The following KLF13 variants were observed in gnomAD, a reference collection of about 807,000 sequenced individuals.
The protein encoded by KLF13 is Krueppel-like factor 13.
A neutral mutation model predicts 16.7 loss-of-function variants in KLF13; 8 were observed. That is an observed-to-expected ratio of 0.48 (90% CI 0.28 to 0.87). KLF13 has a LOEUF of 0.87. Among genes scored for constraint, KLF13 ranks in the 40% least tolerant of loss-of-function variants. The pLI is 0.10. For missense variants in KLF13, 447 were observed against 452.2 expected, an observed-to-expected ratio of 0.99 and a Z score of 0.10; for synonymous variants, 245 against 208.4, an observed-to-expected ratio of 1.18 and a Z score of -1.51.
chr15:31,391,180 TG>T (rs1484606466), upstream of KLF13, among the ~76,000 whole-genome samples: 68 of 53,348 alleles, frequency 1.3e-3, no homozygotes, highest in Non-Finnish European at 1.6e-3. Context: ...GGGGGTTGTG[TG>T]GGCCTCTGGG....
chr15:31,420,442 C>T lies in KLF13; in HGVS notation n.118-14928C>T. ...AGTTCCTCACATCCTGCTACCACCC[C>T]AACATAGACACCCAGGGTAACATAT... On this transcript the variant is annotated intron_variant and non_coding_transcript_variant, in intron 1 of 1. Coordinates refer to the KLF13 transcript ENST00000558225. The T allele has an allele frequency of 7.7e-6, 7 of 903,370 alleles. No individual in the cohort carries two copies. The South Asian group carries it at 9.0e-5, about 12-fold the overall frequency. 56.0% of individuals were successfully genotyped at this position (903,370 alleles called of 1,614,324 possible). A position where few individuals can be genotyped will look rare whatever the true frequency, so the allele number is the denominator to read the frequency against.
chr15:31,349,860 T>A (rs1273386873), intron 1 of KLF13, among the ~76,000 whole-genome samples: 1 of 152,152 alleles, frequency 6.6e-6, no homozygotes, highest in African/African-American at 2.4e-5. Context: ...GGGTGTGAAT[T>A]AATGAAAAGC....
intron 1 of KLF13, among the ~76,000 whole-genome samples, chr15:31,342,355 G>A (rs907167608): frequency 4.6e-5 from 7 of 152,198 alleles, no homozygotes; most frequent in Admixed American, 2.0e-4. Context: ...TGAGGATGCC[G>A]GCTGCCCTCC....
At chr15:31,416,202 A>T (rs1343412699) in intron 1 of KLF13, among the ~76,000 whole-genome samples, 1 of 152,168 alleles carries the variant, frequency 6.6e-6, no homozygotes, top group Non-Finnish European at 1.5e-5. Flanking sequence ...TCTTAGGCCC[A>T]GAATACTTCA....
At chr15:31,355,757 C>T (rs540375820) in intron 1 of KLF13, among the ~76,000 whole-genome samples, 1 of 152,164 alleles carries the variant, frequency 6.6e-6, no homozygotes, top group African/African-American at 2.4e-5. Context: ...ATACATTACA[C>T]GTGTTTCTTT....
chr15:31,346,509 C>T (rs2039120735), intron 1 of KLF13, among the ~76,000 whole-genome samples: 1 of 152,192 alleles, frequency 6.6e-6, no homozygotes, highest in Non-Finnish European at 1.5e-5. Flanking sequence ...AGGAGCTCCT[C>T]CCCGGGTTCT....
intron 2 of KLF13, among the ~76,000 whole-genome samples, chr15:31,402,675 C>G (rs947934284): frequency 6.6e-6 from 1 of 152,144 alleles, no homozygotes; most frequent in African/African-American, 2.4e-5. Flanking sequence ...GCACAGAGCC[C>G]CAGGTGGAGC....
chr15:31,337,672 T>C (rs1392242390), intron 1 of KLF13, among the ~76,000 whole-genome samples: 2 of 152,226 alleles, frequency 1.3e-5, no homozygotes, highest in Non-Finnish European at 2.9e-5. Context: ...TCCTGAATAC[T>C]GTAGGCAACT....
chr15:31,406,433 A>T (rs1264341352), downstream of KLF13, among the ~76,000 whole-genome samples: 2 of 152,174 alleles, frequency 1.3e-5, no homozygotes, highest in Non-Finnish European at 2.9e-5. Flanking sequence ...TGTTGTTTAT[A>T]ACCAACCCTG....
Position 31,327,420 on chromosome 15 carries a change from G to T in KLF13, c.208G>T (p.Asp70Tyr). The change falls in exon 1 of 2, where the codon GAC (aspartate) becomes TAC (tyrosine). Residue 70 changes from aspartate (D) to tyrosine (Y), a missense_variant. Transcript: ENST00000307145. Reference sequence around the variant, plus strand: ...CTTCGTGGTGGCGCGGATCCTAGCGGACCTCAACCAGCAAGCGCCGGCGCC... The same window carrying T: ...CTTCGTGGTGGCGCGGATCCTAGCGTACCTCAACCAGCAAGCGCCGGCGCC... The part of the protein sequence containing the change: ...SLFVVARILA[D>Y]LNQQAPAPAP... The T allele has an allele frequency of 8.2e-7, 1 of 1,225,608 alleles. No homozygotes were observed. The highest frequency in any genetic ancestry group is 1.0e-6 in the Non-Finnish European group (1 of 982,242). The allele number at this position is 1,225,608 out of a possible 1,614,324, so 75.9% of individuals were successfully genotyped here.
In KLF13 at chr15:31,327,581, C is replaced by T; in HGVS notation, c.369C>T (p.Ser123=). 5 of 1,200,504 alleles carry T rather than the reference C, an allele frequency of 4.2e-6. No homozygotes were observed. Among genetic ancestry groups the T allele is most frequent in the Non-Finnish European group, 5.2e-6 (5 of 959,356 alleles). The allele number at this position is 1,200,504 out of a possible 1,614,324, so 74.4% of individuals were successfully genotyped here. ...AAAAPPSPAW[S]EPEPEAGLEP... The stretch of plus-strand genomic sequence containing the variant: ...CCGCGCCCCCCAGCCCGGCGTGGAG[C>T]GAGCCGGAGCCCGAGGCGGGGCTGG... Residue 123 remains serine, a synonymous_variant, in exon 1 of 2, where the codon AGC becomes AGT. Coordinates refer to ENST00000307145, the MANE Select transcript of KLF13 (RefSeq NM_015995.4).
chr15:31,407,541 G>A (rs939285763), downstream of KLF13, among the ~76,000 whole-genome samples: 1 of 152,126 alleles, frequency 6.6e-6, no homozygotes, highest in Non-Finnish European at 1.5e-5. Context: ...CAAAAATAAT[G>A]TTTTATGTAT....
chr15:31,365,906 C>CT (rs2140961076), intron 1 of KLF13, among the ~76,000 whole-genome samples: 1 of 152,276 alleles, frequency 6.6e-6, no homozygotes, highest in Non-Finnish European at 1.5e-5. Flanking sequence ...GGCTGGCTCT[C>CT]TGAGAGAACA....
chr15:31,432,395 C>T (rs546099865), intron 1 of KLF13, among the ~76,000 whole-genome samples: 3 of 151,700 alleles, frequency 2.0e-5, no homozygotes, highest in African/African-American at 7.3e-5. Flanking sequence ...CCCTCCCTCC[C>T]TCCCTTTTCT....
At chr15:31,401,330 G>A (rs934724709) in intron 2 of KLF13, among the ~76,000 whole-genome samples, 8 of 152,220 alleles carry the variant, frequency 5.3e-5, no homozygotes, top group African/African-American at 1.7e-4. Flanking sequence ...GCAAAGTTAC[G>A]CTCTTTTCAC....
chr15:31,345,645 G>C (rs1194217317), intron 1 of KLF13, among the ~76,000 whole-genome samples: 2 of 152,214 alleles, frequency 1.3e-5, no homozygotes, highest in African/African-American at 2.4e-5. Context: ...CTCACCAGGG[G>C]ACCCTGCCCT....
At chr15:31,401,010 T>C (rs2040028920) in intron 2 of KLF13, among the ~76,000 whole-genome samples, 1 of 149,946 alleles carries the variant, frequency 6.7e-6, no homozygotes. Context: ...AATAAACAAT[T>C]TTTTTTTTTT....
chr15:31,352,424 G>A (rs1006319283), intron 1 of KLF13, among the ~76,000 whole-genome samples: 1 of 152,252 alleles, frequency 6.6e-6, no homozygotes, highest in Non-Finnish European at 1.5e-5. Flanking sequence ...GACAGGCTGT[G>A]TGAGCTCTGC....
At chr15:31,328,278 G>T (rs990852560) in intron 1 of KLF13, among the ~76,000 whole-genome samples, 2 of 151,680 alleles carry the variant, frequency 1.3e-5, no homozygotes, top group Non-Finnish European at 2.9e-5. Flanking sequence ...GCGCGCGGCG[G>T]GCGAAGTTCA....
Sources: allele counts gnomAD v4.1 joint callset (sites outside exome capture counted in the v4.1 genomes callset), GRCh38; gene constraint gnomAD v4.1.1; transcripts MANE v1.5; gene names NCBI Gene and HGNC (gene_info 2026-07-23, HGNC 2026-07-21).